ACSL5: variants seen among roughly 807,000 people sequenced by gnomAD.
ACSL5 encodes long-chain-fatty-acid--CoA ligase 5.
A neutral mutation model predicts 84.9 loss-of-function variants in ACSL5; 50 were observed. The observed-to-expected ratio is 0.59, with a 90% CI of 0.47 to 0.75. ACSL5 has a LOEUF of 0.75. Among genes scored for constraint, ACSL5 ranks in the 30% least tolerant of loss-of-function variants. The probability of loss-of-function intolerance (pLI) is 0.00; values close to 1 mark genes in which losing one functional copy is unlikely to be tolerated. For missense variants in ACSL5, 775 were observed against 830.4 expected, an observed-to-expected ratio of 0.93 and a Z score of 0.82; for synonymous variants, 280 against 300.7, an observed-to-expected ratio of 0.93 and a Z score of 0.71.
chr10:112,382,960 G>A (rs748733678), intron 1 of ACSL5, among the ~76,000 whole-genome samples: 47 of 152,074 alleles, frequency 3.1e-4, no homozygotes, highest in Non-Finnish European at 5.6e-4. Flanking sequence ...ACCACCTCTC[G>A]GCGGAGATGA....
At chr10:112,423,311 A>G (rs1844550766) in intron 17 of ACSL5, among the ~76,000 whole-genome samples, 1 of 137,584 alleles carries the variant, frequency 7.3e-6, no homozygotes, top group African/African-American at 2.7e-5. Flanking sequence ...TAAAATTCTG[A>G]GAAAGTAATT....
At chr10:112,404,485 ATTTTC>A (rs1843983550) in intron 3 of ACSL5, 21 bp from the exon 4 acceptor site, 7 of 1,596,156 alleles carry the variant, frequency 4.4e-6, no homozygotes, top group Non-Finnish European at 6.0e-6. Context: ...ACTGGAGTTG[ATTTTC>A]TTTTAATATT....
Position 112,409,578 on chromosome 10 carries a change from T to C in ACSL5, c.604T>C (p.Phe202Leu), listed in dbSNP as rs368249112. Reference protein sequence around the residue: ...LVLIGNVEKGFTPSLKVIILM... With the variant: ...LVLIGNVEKGLTPSLKVIILM... ...GCTGATAGGGAATGTAGAGAAAGGC[T>C]TCACCCCGAGCCTGAAGGTGATCAT... The change falls in exon 7 of 21, where the codon TTC becomes CTC. Residue 202 changes from phenylalanine to leucine, a missense_variant. Physicochemically the swap from Phe to Leu is conservative, Grantham distance 22. Transcript: ENST00000354655. 17 of 1,613,988 alleles carry C rather than the reference T, an allele frequency of 1.1e-5. No individual in the cohort carries two copies. The highest frequency in any genetic ancestry group is 2.5e-6 in the Non-Finnish European group (3 of 1,180,028).
At chr10:112,398,856 T>C (rs1358163327) in intron 2 of ACSL5, 45 bp from the exon 3 acceptor site, 1 of 1,515,414 alleles carries the variant, frequency 6.6e-7, no homozygotes, top group Non-Finnish European at 9.2e-7. Flanking sequence ...TTGGAAAGAG[T>C]GAGGGGAGAC....
intron 13 of ACSL5, among the ~76,000 whole-genome samples, 197 bp from the exon 14 acceptor site, chr10:112,417,649 A>G (rs527331013): frequency 7.9e-5 from 12 of 152,334 alleles, no homozygotes; most frequent in Admixed American, 5.2e-4. Flanking sequence ...ATGGATAGTG[A>G]TGACAATAAT....
At chr10:112,411,582 G>C (rs1844178362) in intron 10 of ACSL5, 53 bp downstream of exon 10, 2 of 1,538,374 alleles carry the variant, frequency 1.3e-6, no homozygotes, top group Admixed American at 1.7e-5. Context: ...TCTGTCATAA[G>C]ATTTTTATTT....
intron 20 of ACSL5, 105 bp downstream of exon 20, chr10:112,426,964 G>A: frequency 9.0e-7 from 1 of 1,115,546 alleles, no homozygotes; most frequent in Non-Finnish European, 1.3e-6. Flanking sequence ...ATTGATTTTA[G>A]ATTTTGTGCC....
At chr10:112,404,838 A>G (rs1303890991) in intron 5 of ACSL5, 32 bp downstream of exon 5, 7 of 1,569,234 alleles carry the variant, frequency 4.5e-6, no homozygotes, top group Non-Finnish European at 6.1e-6. Context: ...AAAGGAAATG[A>G]GTCAGGGTTA....
chr10:112,403,195 A>G (rs1027235335), intron 3 of ACSL5, among the ~76,000 whole-genome samples: 1 of 152,254 alleles, frequency 6.6e-6, no homozygotes, highest in African/African-American at 2.4e-5. Context: ...AGTAAATAAA[A>G]CCTAACAAGG....
chr10:112,386,177 A>G (rs1214306923), intron 1 of ACSL5, among the ~76,000 whole-genome samples: 1 of 135,714 alleles, frequency 7.4e-6, no homozygotes, highest in African/African-American at 2.8e-5. Flanking sequence ...AAACTCCTAT[A>G]GCTCTTTTTT....
chr10:112,426,859 G>T lies in ACSL5; in HGVS notation c.1911G>T (p.Gln637His). 1 of 1,610,328 alleles carries T rather than the reference G, an allele frequency of 6.2e-7. No homozygotes were observed. The highest frequency in any genetic ancestry group is 1.1e-5 in the South Asian group (1 of 90,976). ...AAAGTGGCCTTAAAACTTTTGAACA[G>T]GTGTGTGCTACCACTGATGTTATAC... is the stretch of plus-strand genomic sequence containing the variant. ...GKESGLKTFE[Q>H]VKAIFLHPEP... is the part of the protein sequence containing the mutation. The change falls in exon 20 of 21, where the codon CAG (glutamine) becomes CAT (histidine). Residue 637 changes from glutamine to histidine, a missense_variant and splice_region_variant. By Grantham distance (24) the Gln-to-His change is conservative. Coordinates refer to ENST00000354655, the MANE Select transcript of ACSL5 (RefSeq NM_203379.2).
intron 17 of ACSL5, among the ~76,000 whole-genome samples, chr10:112,423,465 G>A (rs1844557179): frequency 6.6e-6 from 1 of 151,142 alleles, no homozygotes. Context: ...CCAAAGTTCT[G>A]GGATTGCTGG....
intron 3 of ACSL5, among the ~76,000 whole-genome samples, chr10:112,402,523 G>C (rs944770318): frequency 6.6e-6 from 1 of 152,168 alleles, no homozygotes; most frequent in Non-Finnish European, 1.5e-5. Flanking sequence ...CTCTGACAAA[G>C]CCATGCTTCA....
intron 1 of ACSL5, among the ~76,000 whole-genome samples, chr10:112,393,531 TG>T (rs1188150866): frequency 6.6e-6 from 1 of 152,206 alleles, no homozygotes; most frequent in Non-Finnish European, 1.5e-5. Context: ...TGGTTCCAGG[TG>T]GCAGCTAATG....
At position 112,378,363 on chromosome 10, in the gene ACSL5, C is replaced by T. The variant is rs191274560; in HGVS notation, c.-30+4094C>T. ...CCCAGTTCAAGCAATTCTCCTGCCT[C>T]AGCCTCCTGAGTAGCTGGGATTACA... is the stretch of plus-strand genomic sequence containing the variant. On this transcript the variant is annotated intron_variant, in intron 1 of 20. Transcript: ENST00000354655. Among the ~76,000 whole-genome samples, 11 of 151,348 alleles carry T rather than the reference C, an allele frequency of 7.3e-5. No individual in the cohort carries two copies. The East Asian group carries it at 2.1e-3, about 30-fold the overall frequency.
intron 1 of ACSL5, among the ~76,000 whole-genome samples, chr10:112,379,809 C>T (rs1360892905): frequency 2.6e-5 from 4 of 152,210 alleles, no homozygotes; most frequent in Admixed American, 6.5e-5. Context: ...CTGGCAATGA[C>T]ACCGTTGACA....
chr10:112,427,454 T>C lies in ACSL5; in HGVS notation c.*96T>C, dbSNP rs1844778276. ...ACATTTGTTTTGCCTTTCCTCCTAT[T>C]TTTTTTTAACCTGTTAAACTCTAAA... On this transcript the variant is annotated 3_prime_UTR_variant, in exon 21 of 21. Coordinates refer to ENST00000354655, the MANE Select transcript of ACSL5 (RefSeq NM_203379.2). 1.6e-6 allele frequency: 2 copies of C among 1,256,986 alleles called. No homozygotes were observed. The highest frequency in any genetic ancestry group is 1.8e-5 in the South Asian group (1 of 56,242). The allele number at this position is 1,256,986 out of a possible 1,614,324, so 77.9% of individuals were successfully genotyped here. A position where few individuals can be genotyped will look rare whatever the true frequency, so the allele number is the denominator to read the frequency against.
chr10:112,422,255 T>C, intron 16 of ACSL5, 70 bp from the exon 17 acceptor site: 1 of 1,339,298 alleles, frequency 7.5e-7, no homozygotes, highest in Non-Finnish European at 1.1e-6. Context: ...GGAGCAGGTG[T>C]TTCATAAACT....
chr10:112,411,048 C>T (rs1161024578), intron 9 of ACSL5, among the ~76,000 whole-genome samples: 1 of 152,152 alleles, frequency 6.6e-6, no homozygotes, highest in Non-Finnish European at 1.5e-5. Flanking sequence ...TGTGGTCCAT[C>T]ATGGTCTACA....
Sources: gnomAD v4.1 joint callset for allele counts (sites outside exome capture counted in the v4.1 genomes callset) on GRCh38, gnomAD v4.1.1 for gene constraint, MANE v1.5 for transcripts, NCBI Gene and HGNC (gene_info 2026-07-23, HGNC 2026-07-21) for gene names.